Variants in MCF2L2 observed in about 807,000 individuals in gnomAD.
MCF2L2 encodes probable guanine nucleotide exchange factor MCF2L2.
Under a neutral mutation model 150.2 loss-of-function variants are expected in MCF2L2, and 102 were observed. The observed-to-expected ratio is 0.68, with a 90% CI of 0.58 to 0.80. The LOEUF (loss-of-function observed/expected upper bound fraction) is 0.80. MCF2L2 is among the 30% of genes least tolerant of loss of function. MCF2L2 has a pLI of 0.00. For synonymous variants in MCF2L2, 465 were observed against 491.3 expected (o/e 0.95, Z 0.71); for missense variants, 1,256 against 1,372.8 (o/e 0.91, Z 1.34).
intron 15 of MCF2L2, 45 bp from the exon 16 acceptor site, chr3:183,231,062 G>A (rs1723535730): frequency 6.5e-6 from 9 of 1,387,848 alleles, no homozygotes; most frequent in Non-Finnish European, 6.1e-6. Flanking sequence ...AGAGAGACAG[G>A]GAGAGGAGAA....
Position 183,311,036 on chromosome 3 carries a change from A to G in MCF2L2, c.879-7T>C. 1 of 1,511,312 alleles carries G rather than the reference A, an allele frequency of 6.6e-7. No homozygotes were observed. The highest frequency in any genetic ancestry group is 1.1e-5 in the South Asian group (1 of 88,874). 93.6% of individuals were successfully genotyped at this position (1,511,312 alleles called of 1,614,324 possible). On this transcript the variant is annotated splice_region_variant and splice_polypyrimidine_tract_variant and intron_variant, in intron 8 of 29. Coordinates refer to ENST00000328913, the MANE Select transcript of MCF2L2 (RefSeq NM_015078.4). ...ATCCAGTTGAACTAATAACCTTTCAAGAAAGAATGAGAAAGTGATGTTAGG... is the reference window on the plus strand; with the variant it reads ...ATCCAGTTGAACTAATAACCTTTCAGGAAAGAATGAGAAAGTGATGTTAGG...
chr3:183,282,638 G>A (rs760411572), intron 14 of MCF2L2, among the ~76,000 whole-genome samples: 18 of 152,060 alleles, frequency 1.2e-4, no homozygotes, highest in Non-Finnish European at 2.5e-4. Flanking sequence ...GAAGCTGCCC[G>A]TACATCTTTG....
intron 15 of MCF2L2, 78 bp downstream of exon 15, chr3:183,276,794 G>A: frequency 2.2e-6 from 2 of 910,794 alleles, no homozygotes; most frequent in Non-Finnish European, 1.8e-6. Context: ...GACAGGTGCT[G>A]AGGTGTAAAA....
intron 20 of MCF2L2, among the ~76,000 whole-genome samples, chr3:183,221,327 A>G (rs1228656845): frequency 6.6e-6 from 1 of 152,178 alleles, no homozygotes; most frequent in Non-Finnish European, 1.5e-5. Context: ...AACCTGTATT[A>G]TCTCATTTAA....
intron 5 of MCF2L2, among the ~76,000 whole-genome samples, chr3:183,333,548 A>C (rs1308596401): frequency 3.3e-5 from 5 of 152,200 alleles, no homozygotes; most frequent in African/African-American, 1.2e-4. Flanking sequence ...TATCCTTCTC[A>C]AGATGATCTA....
chr3:183,411,449 C>T (rs1028740796), intron 1 of MCF2L2, among the ~76,000 whole-genome samples: 7 of 152,130 alleles, frequency 4.6e-5, no homozygotes, highest in African/African-American at 1.4e-4. Flanking sequence ...CACTAACACC[C>T]GAAAGGGAGC....
chr3:183,217,192 G>C (rs1363448086), intron 21 of MCF2L2, among the ~76,000 whole-genome samples: 1 of 148,628 alleles, frequency 6.7e-6, no homozygotes, highest in Non-Finnish European at 1.5e-5. Flanking sequence ...TACTTGGGAG[G>C]TTGAGGCAGG....
chr3:183,289,224 A>G lies in MCF2L2; in HGVS notation c.1676-4T>C. On this transcript the variant is annotated splice_polypyrimidine_tract_variant and splice_region_variant and intron_variant, in intron 13 of 29. Coordinates refer to ENST00000328913, the MANE Select transcript of MCF2L2 (RefSeq NM_015078.4). ...CTCAGAGGACGAGCTAGAGGGACTAAGAGAACCTGCCATTAGTGTGGTTAT... is the reference window on the plus strand; with the variant it reads ...CTCAGAGGACGAGCTAGAGGGACTAGGAGAACCTGCCATTAGTGTGGTTAT... The G allele has an allele frequency of 6.3e-7, 1 of 1,590,162 alleles. No homozygotes were observed. The highest frequency in any genetic ancestry group is 8.6e-7 in the Non-Finnish European group (1 of 1,158,890).
chr3:183,356,147 C>A (rs1237681635), intron 3 of MCF2L2, among the ~76,000 whole-genome samples: 4 of 136,772 alleles, frequency 2.9e-5, no homozygotes, highest in African/African-American at 1.2e-4. Context: ...AAGAGCAGGT[C>A]TTTCTAGAAA....
intron 1 of MCF2L2, among the ~76,000 whole-genome samples, chr3:183,417,782 C>A (rs1380404335): frequency 1.4e-5 from 2 of 144,900 alleles, no homozygotes; most frequent in Admixed American, 1.3e-4. Context: ...ACTCACAGTT[C>A]CACATGGCTA....
rs368006405 is a variant in MCF2L2 at position 183,270,737 on chromosome 3, C to T, written c.1862+6135G>A. On this transcript the variant is annotated intron_variant, in intron 15 of 29. Coordinates refer to ENST00000328913, the MANE Select transcript of MCF2L2 (RefSeq NM_015078.4). The surrounding 1 kb of genome is among the most constrained non-coding windows in gnomAD (Gnocchi z 4.5). ...GAGAGGGTAAAACTCCTTATCATCCCTGCATCTATGAAAAAATGATGACAT... is the reference window on the plus strand; with the variant it reads ...GAGAGGGTAAAACTCCTTATCATCCTTGCATCTATGAAAAAATGATGACAT... 1.2e-6 allele frequency: 2 copies of T among 1,613,630 alleles called. No homozygotes were observed. Among genetic ancestry groups the T allele is most frequent in the South Asian group, 1.1e-5 (1 of 91,026 alleles).
chr3:183,221,267 C>T (rs1248254617), intron 20 of MCF2L2, among the ~76,000 whole-genome samples: 2 of 152,204 alleles, frequency 1.3e-5, no homozygotes, highest in African/African-American at 4.8e-5. Context: ...GTAATTCTAT[C>T]TCTTGTTTCT....
intron 3 of MCF2L2, chr3:183,372,256 G>A (rs1425291652): frequency 6.6e-6 from 1 of 152,132 alleles, no homozygotes; most frequent in Non-Finnish European, 1.5e-5. Flanking sequence ...ATACAAAGGA[G>A]TAAGTCTCAT....
At chr3:183,232,374 G>A (rs1455903522) in intron 15 of MCF2L2, among the ~76,000 whole-genome samples, 1 of 152,146 alleles carries the variant, frequency 6.6e-6, no homozygotes, top group East Asian at 1.9e-4. Context: ...GGAAACTGTA[G>A]GTCTCCTAAG....
At chr3:183,214,937 G>T (rs1395198481) in intron 22 of MCF2L2, among the ~76,000 whole-genome samples, 3 of 152,152 alleles carry the variant, frequency 2.0e-5, no homozygotes, top group Non-Finnish European at 4.4e-5. Context: ...AGAGGTTGCA[G>T]TGAGCTGAGA....
intron 25 of MCF2L2, among the ~76,000 whole-genome samples, chr3:183,204,460 A>AATG (rs1297374499): frequency 2.8e-5 from 3 of 106,154 alleles, no homozygotes; most frequent in South Asian, 3.2e-4. Context: ...CTAGGATGGC[A>AATG]ATGATAATAA....
intron 15 of MCF2L2, chr3:183,254,642 A>G (rs960485539): frequency 3.3e-5 from 5 of 151,988 alleles, no homozygotes; most frequent in East Asian, 1.9e-4. Flanking sequence ...GCGCCCACCA[A>G]TTCGGTTGCC....
chr3:183,351,609 T>G (rs1468670487), intron 3 of MCF2L2, among the ~76,000 whole-genome samples: 2 of 152,274 alleles, frequency 1.3e-5, no homozygotes, highest in Middle Eastern at 3.4e-3. Flanking sequence ...ATGATTGTCA[T>G]AGATATACTG....
At chr3:183,286,896 C>T (rs1426563138) in intron 14 of MCF2L2, among the ~76,000 whole-genome samples, 2 of 152,158 alleles carry the variant, frequency 1.3e-5, no homozygotes, top group African/African-American at 4.8e-5. Context: ...AGGAAGAAAA[C>T]AACTGAAGCA....
Sources: gnomAD v4.1 joint callset for allele counts (sites outside exome capture counted in the v4.1 genomes callset) on GRCh38, gnomAD v4.1.1 for gene constraint, Gnocchi (gnomAD v3.1) non-coding constraint, MANE v1.5 for transcripts, NCBI Gene and HGNC (gene_info 2026-07-23, HGNC 2026-07-21) for gene names.